GLIS3: variants seen among roughly 807,000 people sequenced by gnomAD.
The protein encoded by GLIS3 is GLIS family zinc finger 3.
In GLIS3, 53 loss-of-function variants were observed where a neutral mutation model predicts 78.6. That is an observed-to-expected ratio of 0.67 (90% CI 0.54 to 0.85). GLIS3 has a LOEUF of 0.85. Ranked by LOEUF, GLIS3 falls within the 40% of genes least tolerant of loss-of-function variation. The pLI is 0.00. For synonymous variants in GLIS3, 684 were observed against 509.9 expected (o/e 1.34, Z -4.60); for missense variants, 1,703 against 1,231.1 (o/e 1.38, Z -5.74).
chr9:4,163,244 G>GCGCA (rs1554720589), intron 2 of GLIS3, among the ~76,000 whole-genome samples: 1 of 151,546 alleles, frequency 6.6e-6, no homozygotes, highest in African/African-American at 2.4e-5. Flanking sequence ...ATGTGCACTG[G>GCGCA]CACACACACA....
chr9:3,885,456 C>T (rs544750750), intron 7 of GLIS3, among the ~76,000 whole-genome samples: 20 of 152,146 alleles, frequency 1.3e-4, no homozygotes, highest in Non-Finnish European at 2.2e-4. Flanking sequence ...AAGGGGGAAC[C>T]GGTATTACCC....
chr9:4,121,530 T>G (rs1832181434), intron 3 of GLIS3, among the ~76,000 whole-genome samples: 1 of 152,140 alleles, frequency 6.6e-6, no homozygotes. Flanking sequence ...TGATCTCATT[T>G]GATACAACCT....
chr9:4,206,196 T>C lies in GLIS3; in HGVS notation c.388+79842A>G, dbSNP rs1045483040. 2.0e-5 allele frequency among the ~76,000 whole-genome samples: 3 copies of C among 152,190 alleles called. No individual in the cohort carries two copies. In the East Asian group the frequency reaches 5.8e-4, roughly 29 times the overall value. ...CTATCTGGAAAGGGAATCTTAATAGTGACCAAGGGATATTGCAAGTGAGTA... is the reference window on the plus strand; with the variant it reads ...CTATCTGGAAAGGGAATCTTAATAGCGACCAAGGGATATTGCAAGTGAGTA... On this transcript the variant is annotated intron_variant, in intron 2 of 10. Transcript: ENST00000381971.
chr9:4,135,628 G>C (rs1286240050), intron 2 of GLIS3, among the ~76,000 whole-genome samples: 1 of 151,890 alleles, frequency 6.6e-6, no homozygotes, highest in Admixed American at 6.6e-5. Context: ...TGAAATATAG[G>C]TACCCACCAA....
At chr9:4,012,929 C>G (rs141955050) in intron 4 of GLIS3, among the ~76,000 whole-genome samples, 1 of 151,876 alleles carries the variant, frequency 6.6e-6, no homozygotes, top group African/African-American at 2.4e-5. Context: ...CCCGCCACCA[C>G]GCCCAGCTAA....
At chr9:4,429,480 T>C in the GLIS3 span, among the ~76,000 whole-genome samples, 10 of 152,192 alleles carry the variant, frequency 6.6e-5, no homozygotes, top group Non-Finnish European at 1.5e-4. Flanking sequence ...TCTTCTTACC[T>C]TCAGATCTCA....
intron 3 of GLIS3, among the ~76,000 whole-genome samples, chr9:4,119,669 G>C (rs573367309): frequency 6.6e-6 from 1 of 152,182 alleles, no homozygotes; most frequent in Non-Finnish European, 1.5e-5. Flanking sequence ...AATCCAAGCA[G>C]CTTTGGGCCA....
intron 4 of GLIS3, among the ~76,000 whole-genome samples, chr9:4,092,236 T>A (rs1040253649): frequency 1.3e-5 from 2 of 150,628 alleles, no homozygotes; most frequent in South Asian, 4.2e-4. Flanking sequence ...ACTGCAAGCC[T>A]CGCCTCCTGG....
intron 2 of GLIS3, among the ~76,000 whole-genome samples, chr9:4,228,203 A>C (rs1205119843): frequency 6.7e-6 from 1 of 150,160 alleles, no homozygotes; most frequent in Non-Finnish European, 1.5e-5. Context: ...GGTGGCAAAA[A>C]AAAAAAAAAA....
intron 4 of GLIS3, among the ~76,000 whole-genome samples, chr9:4,047,233 C>T (rs774016768): frequency 6.6e-6 from 1 of 152,124 alleles, no homozygotes; most frequent in South Asian, 2.1e-4. Flanking sequence ...CCAGCTAAGA[C>T]GTGACTACTT....
At chr9:3,948,427 G>T (rs533061686) in intron 4 of GLIS3, among the ~76,000 whole-genome samples, 15 of 152,194 alleles carry the variant, frequency 9.9e-5, no homozygotes, top group African/African-American at 2.9e-4. Context: ...GACCTTTTGG[G>T]TCTTAAGACC....
chr9:4,140,528 A>G (rs907350211), intron 2 of GLIS3, among the ~76,000 whole-genome samples: 13 of 152,312 alleles, frequency 8.5e-5, no homozygotes, highest in Non-Finnish European at 1.6e-4. Flanking sequence ...TGAAGATTAC[A>G]TTATTTTGCA....
At chr9:4,168,943 T>C (rs1180411404) in intron 2 of GLIS3, among the ~76,000 whole-genome samples, 1 of 152,208 alleles carries the variant, frequency 6.6e-6, no homozygotes, top group African/African-American at 2.4e-5. Flanking sequence ...GTGGCAGCAA[T>C]GTAGAAAAAA....
At chr9:4,038,535 G>T (rs1260461108) in intron 4 of GLIS3, among the ~76,000 whole-genome samples, 1 of 152,100 alleles carries the variant, frequency 6.6e-6, no homozygotes, top group Non-Finnish European at 1.5e-5. Context: ...ACTTTCCCAG[G>T]CCTCAACAGG....
the GLIS3 span, among the ~76,000 whole-genome samples, chr9:4,477,327 A>C: frequency 7.2e-6 from 1 of 138,958 alleles, no homozygotes; most frequent in East Asian, 2.4e-4. Context: ...ACAAATATTC[A>C]TAGATACAGA....
intron 2 of GLIS3, among the ~76,000 whole-genome samples, chr9:4,217,682 T>G (rs1284318132): frequency 6.6e-6 from 1 of 152,224 alleles, no homozygotes; most frequent in Non-Finnish European, 1.5e-5. Flanking sequence ...TTAATTTACC[T>G]GTCACAGGCC....
rs182692745 is a variant in GLIS3, at chr9:4,178,601, G to A, written c.389-52660C>T. Among the ~76,000 whole-genome samples the A allele has an allele frequency of 3.2e-3, 483 of 152,288 alleles. 3 individuals are homozygous for A. The highest frequency in any genetic ancestry group is 0.011 in the African/African-American group (457 of 41,530). On this transcript the variant is annotated intron_variant, in intron 2 of 10. Transcript: ENST00000381971. Reference sequence around the variant, plus strand: ...CATATACCTTAGCTATTCCAAACACGCAAGTGCAAATATAACCCCTGACAT... The same window carrying A: ...CATATACCTTAGCTATTCCAAACACACAAGTGCAAATATAACCCCTGACAT...
intron 4 of GLIS3, among the ~76,000 whole-genome samples, chr9:3,980,630 A>G (rs1046237056): frequency 6.6e-6 from 1 of 152,240 alleles, no homozygotes; most frequent in African/African-American, 2.4e-5. Flanking sequence ...CTGTATGTTC[A>G]GAGTGATAAT....
chr9:4,109,612 G>C (rs945508337), intron 4 of GLIS3, among the ~76,000 whole-genome samples: 4 of 152,156 alleles, frequency 2.6e-5, no homozygotes, highest in African/African-American at 9.7e-5. Context: ...CTGAAACACA[G>C]TGCTTGCTAC....
Sources: gnomAD v4.1 joint callset for allele counts (sites outside exome capture counted in the v4.1 genomes callset) on GRCh38, gnomAD v4.1.1 for gene constraint, MANE v1.5 for transcripts, NCBI Gene and HGNC (gene_info 2026-07-23, HGNC 2026-07-21) for gene names.